The following CCDC180 variants were observed in gnomAD, a reference collection of about 807,000 sequenced individuals.
CCDC180 encodes coiled-coil domain containing 180, also known as coiled-coil domain-containing protein 180.
Under a neutral mutation model 209.2 loss-of-function variants are expected in CCDC180, and 154 were observed. That is an observed-to-expected ratio of 0.74 (90% CI 0.65 to 0.84). CCDC180 has a LOEUF of 0.84. Among genes scored for constraint, CCDC180 ranks in the 40% least tolerant of loss-of-function variants. CCDC180 has a pLI of 0.00. For synonymous variants in CCDC180, 778 were observed against 749.1 expected (o/e 1.04, Z -0.63); for missense variants, 1,874 against 1,997.3 (o/e 0.94, Z 1.18).
In CCDC180 at chr9:97,364,109, A is replaced by G. The variant is rs1826848904; in HGVS notation, c.3961A>G (p.Lys1321Glu). ...GAGAAAGTACCGGGTGCTTGGGGAC[A>G]AGCCTCCCCCTGCTGCCGAGTGAGT... ...MERKYRVLGD[K>E]PPPAAEDFKG... Residue 1321 changes from lysine (K) to glutamate (E), a missense_variant, in exon 29 of 37, where the codon AAG becomes GAG. Coordinates refer to ENST00000529487, the MANE Select transcript of CCDC180 (RefSeq NM_020893.6). The G allele has an allele frequency of 6.2e-7, 1 of 1,614,046 alleles. No individual in the cohort carries two copies. Among genetic ancestry groups the G allele is most frequent in the African/African-American group, 1.3e-5 (1 of 74,940 alleles).
chr9:97,350,374 C>T, intron 21 of CCDC180, 35 bp from the exon 22 acceptor site: 1 of 1,532,220 alleles, frequency 6.5e-7, no homozygotes, highest in Non-Finnish European at 8.7e-7. Context: ...GGGTTGTCCC[C>T]CATCACTGTC....
chr9:97,325,524 A>G lies in CCDC180; in HGVS notation c.1545+332A>G, dbSNP rs75608198. On this transcript the variant is annotated intron_variant, in intron 14 of 36. Transcript: ENST00000529487. ...GGGGAGAATAACATGAACCAACCTC[A>G]AAAGGAATACATCCACAGGGAGTAG... 2.5e-3 allele frequency among the ~76,000 whole-genome samples: 385 copies of G among 152,352 alleles called. 1 individual carries two copies. Among genetic ancestry groups the G allele is most frequent in the African/African-American group, 8.7e-3 (362 of 41,576 alleles).
intron 20 of CCDC180, 97 bp downstream of exon 20, chr9:97,347,586 A>T: frequency 8.4e-7 from 1 of 1,192,022 alleles, no homozygotes; most frequent in South Asian, 1.5e-5. Context: ...CCCAGTTTGT[A>T]CCATGCAATG....
In CCDC180 at chr9:97,307,666, G is replaced by A; in HGVS notation, c.-222G>A. ...AGTCCCAACCGACACCTTGAGCGCC[G>A]TTAACTTTTCCCCGAAGAGCATGGC... On this transcript the variant is annotated 5_prime_UTR_variant, in exon 1 of 37. Coordinates refer to ENST00000529487, the MANE Select transcript of CCDC180 (RefSeq NM_020893.6). 1 of 1,503,406 alleles carries A rather than the reference G, an allele frequency of 6.7e-7. No individual in the cohort carries two copies. The allele number at this position is 1,503,406 out of a possible 1,614,324, so 93.1% of individuals were successfully genotyped here.
chr9:97,329,773 A>G lies in CCDC180; in HGVS notation c.1789-381A>G, dbSNP rs540023347. ...GGGGAGGGATGGGTCCTTTTACTTA[A>G]AAGTGGCACTCTGGGCTGGGTGCGG... On this transcript the variant is annotated intron_variant, in intron 16 of 36. Transcript: ENST00000529487. 1.8e-3 allele frequency among the ~76,000 whole-genome samples: 274 copies of G among 152,244 alleles called. 5 individuals carry two copies. The highest frequency in any genetic ancestry group is 4.4e-3 in the South Asian group (21 of 4,824).
At chr9:97,362,501 G>A in intron 28 of CCDC180, 60 bp downstream of exon 28, 1 of 1,578,456 alleles carries the variant, frequency 6.3e-7, no homozygotes, top group Non-Finnish European at 8.6e-7. Flanking sequence ...ACAAAGGCAG[G>A]AGATGACCTA....
At chr9:97,333,206 G>A (rs571973406) in intron 18 of CCDC180, among the ~76,000 whole-genome samples, 14 of 152,258 alleles carry the variant, frequency 9.2e-5, no homozygotes, top group African/African-American at 3.1e-4. Context: ...TTGCATCCCA[G>A]GGATAAAGCC....
At position 97,317,193 on chromosome 9, in the gene CCDC180, G is replaced by A; in HGVS notation, c.924G>A (p.Lys308=). ...GGCAAGGCTTGGTGGACACCTGGAA[G>A]GCTCTCAAGAAGGAGGCCCTGCTGC... The part of the protein sequence containing the change: ...HRWQGLVDTW[K]ALKKEALLQS... The change falls in exon 9 of 37, where the codon AAG becomes AAA. Residue 308 remains lysine (K), a synonymous_variant. Coordinates refer to ENST00000529487, the MANE Select transcript of CCDC180 (RefSeq NM_020893.6). 1 of 1,608,904 alleles carries A rather than the reference G, an allele frequency of 6.2e-7. No individual in the cohort carries two copies. Among genetic ancestry groups the A allele is most frequent in the Non-Finnish European group, 8.5e-7 (1 of 1,176,148 alleles).
At chr9:97,367,676 A>G (rs1264743778) in intron 31 of CCDC180, among the ~76,000 whole-genome samples, 1 of 151,948 alleles carries the variant, frequency 6.6e-6, no homozygotes. Context: ...GTTTCACCAC[A>G]TTGACCAGGC....
At chr9:97,357,867 C>A in intron 25 of CCDC180, 142 bp downstream of exon 25, 1 of 608,890 alleles carries the variant, frequency 1.6e-6, no homozygotes, top group Non-Finnish European at 2.8e-6. Context: ...AGCCTTCCTA[C>A]TTAACCCCTG....
At chr9:97,309,388 C>T (rs1443105265) in intron 2 of CCDC180, 26 bp from the exon 3 acceptor site, 1 of 1,594,426 alleles carries the variant, frequency 6.3e-7, no homozygotes, top group Admixed American at 1.8e-5. Flanking sequence ...GACCACTCCC[C>T]CATCCTTGGT....
intron 29 of CCDC180, 26 bp from the exon 30 acceptor site, chr9:97,365,647 A>T: frequency 6.2e-7 from 1 of 1,609,742 alleles, no homozygotes; most frequent in Non-Finnish European, 8.5e-7. Flanking sequence ...CAGGCCCCTC[A>T]GGGATCTGTC....
At chr9:97,363,443 G>C in intron 28 of CCDC180, 1 of 321,566 alleles carries the variant, frequency 3.1e-6, no homozygotes, top group Middle Eastern at 4.5e-4. Context: ...CACATCATGG[G>C]GCAGAGCTCT....
intron 16 of CCDC180, 62 bp downstream of exon 16, chr9:97,328,208 C>A: frequency 1.3e-6 from 2 of 1,569,898 alleles, no homozygotes; most frequent in Non-Finnish European, 1.7e-6. Flanking sequence ...AGGCTGACTT[C>A]TTGTTATGAT....
At chr9:97,310,023 GC>G (rs1832930858) in intron 3 of CCDC180, among the ~76,000 whole-genome samples, 1 of 152,210 alleles carries the variant, frequency 6.6e-6, no homozygotes, top group Admixed American at 6.5e-5. Flanking sequence ...GGTGGTCTTG[GC>G]CCCCTCCTGA....
intron 18 of CCDC180, among the ~76,000 whole-genome samples, chr9:97,339,992 A>T (rs1012084941): frequency 6.6e-6 from 1 of 152,160 alleles, no homozygotes; most frequent in Non-Finnish European, 1.5e-5. Flanking sequence ...TTCTTGTGCA[A>T]TGGTTTTCAG....
At position 97,354,718 on chromosome 9, in the gene CCDC180, G is replaced by T; in HGVS notation, c.3147+5G>T. On this transcript the variant is annotated splice_donor_5th_base_variant and intron_variant, in intron 23 of 36. Transcript: ENST00000529487. ...GAGAATGAGTACCTGGACCAGGTAG[G>T]GCCCCCAGCCAGGCCCCAGGCCAAC... is the stretch of plus-strand genomic sequence containing the variant. 6.2e-7 allele frequency: 1 copy of T among 1,614,168 alleles called. No individual in the cohort carries two copies. The highest frequency in any genetic ancestry group is 8.5e-7 in the Non-Finnish European group (1 of 1,180,028).
At chr9:97,336,808 T>C (rs1439954062) in intron 18 of CCDC180, among the ~76,000 whole-genome samples, 1 of 152,232 alleles carries the variant, frequency 6.6e-6, no homozygotes, top group Non-Finnish European at 1.5e-5. Context: ...TGGAATGTTC[T>C]TCCATTTGTT....
chr9:97,310,569 G>A (rs1043445809), intron 3 of CCDC180, among the ~76,000 whole-genome samples: 4 of 151,472 alleles, frequency 2.6e-5, no homozygotes, highest in East Asian at 2.0e-4. Context: ...TGGAGCAGGC[G>A]CGGTGCTCCC....
Sources: allele counts gnomAD v4.1 joint callset (sites outside exome capture counted in the v4.1 genomes callset), GRCh38; gene constraint gnomAD v4.1.1; transcripts MANE v1.5; gene names NCBI Gene and HGNC (gene_info 2026-07-23, HGNC 2026-07-21).